DLC1: variants seen among roughly 807,000 people sequenced by gnomAD.
DLC1 encodes DLC1 Rho GTPase activating protein.
In DLC1, 54 loss-of-function variants were observed where a neutral mutation model predicts 140.3. The ratio of observed to expected loss-of-function variants is 0.38; its 90% CI spans 0.31 to 0.48. The LOEUF (loss-of-function observed/expected upper bound fraction) is 0.48. Among genes scored for constraint, DLC1 ranks in the 20% least tolerant of loss-of-function variants. The pLI is 0.96. For missense variants in DLC1, 2,536 were observed against 1,907.0 expected, an observed-to-expected ratio of 1.33 and a Z score of -6.14; for synonymous variants, 986 against 728.1, an observed-to-expected ratio of 1.35 and a Z score of -5.70.
chr8:13,457,068 C>T (rs1331534501), intron 2 of DLC1, among the ~76,000 whole-genome samples: 3 of 152,076 alleles, frequency 2.0e-5, no homozygotes, highest in African/African-American at 7.2e-5. Flanking sequence ...GTTTTTGATT[C>T]AATTCTATTT....
chr8:13,386,499 G>A lies in DLC1; in HGVS notation c.1314+7054C>T, dbSNP rs1238171875. 3.3e-5 allele frequency among the ~76,000 whole-genome samples: 5 copies of A among 152,072 alleles called. 1 individual carries two copies. The highest frequency in any genetic ancestry group is 3.8e-4 in the East Asian group (2 of 5,204). On this transcript the variant is annotated intron_variant, in intron 4 of 17. Coordinates refer to ENST00000276297, the MANE Select transcript of DLC1 (RefSeq NM_182643.3). The stretch of plus-strand genomic sequence containing the variant: ...GAAAGATGTATATGAGGAGGTGACC[G>A]TGAAGATGGAATAACCCATCACAGA...
At chr8:13,221,452 C>G (rs886681150) in intron 5 of DLC1, among the ~76,000 whole-genome samples, 1 of 151,372 alleles carries the variant, frequency 6.6e-6, no homozygotes, top group Non-Finnish European at 1.5e-5. Context: ...CTCACTGCAC[C>G]TTCCAACTCC....
intron 4 of DLC1, among the ~76,000 whole-genome samples, chr8:13,385,763 C>G: frequency 6.6e-6 from 1 of 152,204 alleles, no homozygotes. Flanking sequence ...TGTATATTCA[C>G]ATGAAATCCT....
At chr8:13,411,952 A>G (rs919427283) in intron 2 of DLC1, among the ~76,000 whole-genome samples, 4 of 152,186 alleles carry the variant, frequency 2.6e-5, no homozygotes, top group African/African-American at 7.2e-5. Flanking sequence ...CATCTGCAAG[A>G]GAAAAGGAGT....
At chr8:13,336,698 A>G (rs1165799676) in intron 4 of DLC1, among the ~76,000 whole-genome samples, 1 of 152,214 alleles carries the variant, frequency 6.6e-6, no homozygotes, top group African/African-American at 2.4e-5. Context: ...TTATCTATAA[A>G]ATGAGTATAA....
chr8:13,384,388 G>C (rs1836417117), intron 4 of DLC1, among the ~76,000 whole-genome samples: 2 of 121,344 alleles, frequency 1.6e-5, no homozygotes, highest in Non-Finnish European at 3.9e-5. Context: ...GCGTGTGTGT[G>C]TATCATTGGA....
At chr8:13,427,368 TC>T (rs1173740501) in intron 2 of DLC1, among the ~76,000 whole-genome samples, 1 of 152,050 alleles carries the variant, frequency 6.6e-6, no homozygotes, top group East Asian at 1.9e-4. Flanking sequence ...GTCCTGAGGC[TC>T]CCCCTAGTCT....
intron 4 of DLC1, among the ~76,000 whole-genome samples, chr8:13,331,163 C>T (rs1729099): frequency 0.86 from 130,245 of 152,154 alleles, 56,165 homozygotes; most frequent in East Asian, 0.95. Context: ...TTTACTGGGA[C>T]ACTATACAGA....
chr8:13,214,852 A>G lies in DLC1; in HGVS notation c.1348+90417T>C, dbSNP rs796271668. The G allele has an allele frequency of 8.0e-6, 6 of 747,866 alleles. No homozygotes were observed. The African/African-American group carries it at 1.0e-4, about 13-fold the overall frequency. The allele number at this position is 747,866 out of a possible 1,614,324, so 46.3% of individuals were successfully genotyped here. Reference sequence around the variant, plus strand: ...TGCTGGTGGCAATCAATGAGTGGCAATAGATGGGTCTCATGACAGGGCTTT... The same window carrying G: ...TGCTGGTGGCAATCAATGAGTGGCAGTAGATGGGTCTCATGACAGGGCTTT... On this transcript the variant is annotated intron_variant, in intron 5 of 17. Coordinates refer to ENST00000276297, the MANE Select transcript of DLC1 (RefSeq NM_182643.3).
In DLC1 at chr8:13,316,059, T is replaced by A. The variant is rs116025236; in HGVS notation, c.1315-10757A>T. Among the ~76,000 whole-genome samples the A allele has an allele frequency of 9.9e-3, 1,505 of 152,260 alleles. 22 individuals are homozygous for A. Among genetic ancestry groups the A allele is most frequent in the African/African-American group, 0.034 (1,414 of 41,562 alleles). ...TTTCGGATGTAATCTAACCAACACC[T>A]CCCTTTCAAGAACAGCACGCAGGTT... On this transcript the variant is annotated intron_variant, in intron 4 of 17. Transcript: ENST00000276297.
chr8:13,139,133 TA>T (rs1056675723), intron 5 of DLC1, among the ~76,000 whole-genome samples: 1 of 149,912 alleles, frequency 6.7e-6, no homozygotes, highest in Non-Finnish European at 1.5e-5. Flanking sequence ...ACATTAAAAA[TA>T]AAAAAACAAT....
At position 13,199,430 on chromosome 8, in the gene DLC1, C is replaced by A. The variant is rs138389179; in HGVS notation, c.1349-83773G>T. On this transcript the variant is annotated intron_variant, in intron 5 of 17. Coordinates refer to ENST00000276297, the MANE Select transcript of DLC1 (RefSeq NM_182643.3). ...AACTCCAGGCCTCACGCAATCCTCC[C>A]GCGTCCTTCCAAGGTGATGGGATTA... is the stretch of plus-strand genomic sequence containing the variant. Among the ~76,000 whole-genome samples the A allele has an allele frequency of 1.9e-3, 296 of 152,094 alleles. 4 individuals are homozygous for A. Among genetic ancestry groups the A allele is most frequent in the Admixed American group, 0.018 (273 of 15,282 alleles).
intron 5 of DLC1, among the ~76,000 whole-genome samples, chr8:13,137,152 A>G: frequency 6.6e-6 from 1 of 152,186 alleles, no homozygotes; most frequent in Non-Finnish European, 1.5e-5. Flanking sequence ...TGAAAAAATC[A>G]TGAAGAGTGT....
intron 5 of DLC1, among the ~76,000 whole-genome samples, chr8:13,117,967 A>T (rs1820709082): frequency 6.6e-6 from 1 of 151,442 alleles, no homozygotes; most frequent in African/African-American, 2.4e-5. Context: ...GATTTCAGCA[A>T]CACAAAAATG....
rs1225889743 is a variant in DLC1, at chr8:13,393,660, T to C, written c.1207A>G (p.Thr403Ala). 1 of 1,614,112 alleles carries C rather than the reference T, an allele frequency of 6.2e-7. No individual in the cohort carries two copies. The highest frequency in any genetic ancestry group is 8.5e-7 in the Non-Finnish European group (1 of 1,180,016). The change falls in exon 4 of 18, where the codon ACC becomes GCC. Residue 403 changes from threonine (T) to alanine (A), a missense_variant. Transcript: ENST00000276297. ...LESGSESGADTISVNQTRVNL... is the reference protein window; with the variant it reads ...LESGSESGADAISVNQTRVNL... The stretch of plus-strand genomic sequence containing the variant: ...ACTCGTGTCTGATTTACTGAAATGG[T>C]ATCTGCTCCACTTTCAGATCCTGAT...
At chr8:13,100,955 G>GTAT (rs1405289666) in intron 8 of DLC1, 185 bp from the exon 9 acceptor site, 5 of 606,814 alleles carry the variant, frequency 8.2e-6, no homozygotes, top group Non-Finnish European at 1.0e-5. Context: ...TGTACAGGCT[G>GTAT]TATTGCCCAG....
intron 4 of DLC1, among the ~76,000 whole-genome samples, chr8:13,332,650 C>G (rs368794878): frequency 6.6e-6 from 1 of 152,010 alleles, no homozygotes; most frequent in Non-Finnish European, 1.5e-5. Flanking sequence ...CTTGGCTGAT[C>G]TCGAACTCCT....
chr8:13,540,003 G>A (rs890517748), intron 1 of DLC1, among the ~76,000 whole-genome samples: 5 of 152,138 alleles, frequency 3.3e-5, no homozygotes, highest in Non-Finnish European at 5.9e-5. Flanking sequence ...AAAAACTCTG[G>A]AGACAGTTCA....
chr8:13,447,492 A>C (rs1027241137), intron 2 of DLC1, among the ~76,000 whole-genome samples: 3 of 152,184 alleles, frequency 2.0e-5, no homozygotes, highest in Admixed American at 2.0e-4. Flanking sequence ...TCAGCTAGTA[A>C]GTAAGGAAGA....
Sources: gnomAD v4.1 joint callset for allele counts (sites outside exome capture counted in the v4.1 genomes callset) on GRCh38, gnomAD v4.1.1 for gene constraint, MANE v1.5 for transcripts, NCBI Gene and HGNC (gene_info 2026-07-23, HGNC 2026-07-21) for gene names.